Variants in DPP6 observed in about 807,000 individuals in gnomAD.
DPP6 encodes the protein dipeptidyl peptidase like 6.
DPP6 carries 69 observed loss-of-function variants against 122.6 expected under a neutral mutation model. The observed-to-expected ratio is 0.56, with a 90% CI of 0.46 to 0.69. The LOEUF (loss-of-function observed/expected upper bound fraction) is 0.69. DPP6 is among the 30% of genes least tolerant of loss of function. The pLI is 0.00. For missense variants in DPP6, 928 were observed against 1,116.9 expected, an observed-to-expected ratio of 0.83 and a Z score of 2.41; for synonymous variants, 418 against 433.1, an observed-to-expected ratio of 0.97 and a Z score of 0.43.
intron 1 of DPP6, among the ~76,000 whole-genome samples, chr7:154,361,966 G>A (rs191801062): frequency 6.6e-6 from 1 of 152,328 alleles, no homozygotes. Flanking sequence ...GTCAGGTTCA[G>A]CCCTAGAAGC....
chr7:154,525,082 A>T (rs1827296370), intron 3 of DPP6, among the ~76,000 whole-genome samples: 1 of 152,214 alleles, frequency 6.6e-6, no homozygotes, highest in South Asian at 2.1e-4. Flanking sequence ...ATAAAGAAAC[A>T]TTGGTTCCTA....
intron 1 of DPP6, among the ~76,000 whole-genome samples, chr7:154,010,779 A>G (rs1798119780): frequency 6.6e-6 from 1 of 152,192 alleles, no homozygotes; most frequent in Non-Finnish European, 1.5e-5. Flanking sequence ...ATAAAACCCA[A>G]CTGTGCAAGT....
At chr7:154,675,801 T>A (rs1838862205) in intron 7 of DPP6, among the ~76,000 whole-genome samples, 1 of 152,198 alleles carries the variant, frequency 6.6e-6, no homozygotes, top group South Asian at 2.1e-4. Flanking sequence ...ACTGTCCCCG[T>A]CTGTTCACAC....
chr7:153,857,910 A>C, the DPP6 span, among the ~76,000 whole-genome samples: 200 of 152,340 alleles, frequency 1.3e-3, 3 homozygotes, highest in African/African-American at 4.3e-3. Flanking sequence ...AACAGGTTGA[A>C]GAAATCAATT....
At chr7:154,488,372 C>G (rs1021322287) in intron 3 of DPP6, among the ~76,000 whole-genome samples, 13 of 151,880 alleles carry the variant, frequency 8.6e-5, no homozygotes, top group African/African-American at 3.1e-4. Flanking sequence ...TGCCTGTAGT[C>G]CCAGCTACTC....
At chr7:154,339,831 T>G (rs1353679100) in intron 1 of DPP6, among the ~76,000 whole-genome samples, 4 of 152,128 alleles carry the variant, frequency 2.6e-5, no homozygotes, top group Non-Finnish European at 5.9e-5. Flanking sequence ...TCCCAGCACT[T>G]TGGGAGCCTG....
At chr7:154,280,915 TTGA>T (rs1465849439) in intron 1 of DPP6, among the ~76,000 whole-genome samples, 1 of 152,208 alleles carries the variant, frequency 6.6e-6, no homozygotes, top group Non-Finnish European at 1.5e-5. Flanking sequence ...GTTAAGACAC[TTGA>T]TGAAAGCTGG....
At chr7:154,645,745 G>A (rs73491511) in intron 6 of DPP6, among the ~76,000 whole-genome samples, 21,318 of 151,876 alleles carry the variant, frequency 0.14, 1,685 homozygotes, top group African/African-American at 0.22. Context: ...AATACTGAGG[G>A]TTGCCAGGCG....
intron 3 of DPP6, among the ~76,000 whole-genome samples, chr7:154,498,392 G>T (rs560444165): frequency 3.3e-5 from 5 of 152,044 alleles, no homozygotes; most frequent in African/African-American, 9.7e-5. Context: ...AGGCTGGAGC[G>T]CAGTGGCATG....
chr7:154,383,890 CAAAA>C (rs375015144), intron 1 of DPP6, among the ~76,000 whole-genome samples: 1 of 106,562 alleles, frequency 9.4e-6, no homozygotes, highest in African/African-American at 3.7e-5. Flanking sequence ...ACTCTGTCTC[CAAAA>C]AAAAAAAAAA....
chr7:154,444,990 A>G (rs989047172), intron 1 of DPP6, among the ~76,000 whole-genome samples: 2 of 152,238 alleles, frequency 1.3e-5, no homozygotes, highest in African/African-American at 4.8e-5. Context: ...ACTCTTTCCT[A>G]CTAAGCCTAT....
chr7:153,776,313 T>G, the DPP6 span, among the ~76,000 whole-genome samples: 1 of 152,162 alleles, frequency 6.6e-6, no homozygotes, highest in East Asian at 1.9e-4. Flanking sequence ...GGTAATTGAA[T>G]CATGGGGGCG....
chr7:154,345,341 C>T (rs1201535277), intron 1 of DPP6, among the ~76,000 whole-genome samples: 1 of 152,162 alleles, frequency 6.6e-6, no homozygotes, highest in Non-Finnish European at 1.5e-5. Flanking sequence ...GTGACGATTT[C>T]AGCATGGAAT....
At chr7:154,777,008 T>A (rs776051093) in intron 10 of DPP6, among the ~76,000 whole-genome samples, 6 of 152,240 alleles carry the variant, frequency 3.9e-5, no homozygotes, top group Non-Finnish European at 7.3e-5. Flanking sequence ...TTTTCAATTA[T>A]TTTTTCCTGT....
chr7:154,871,375 C>G (rs1456765989), intron 18 of DPP6, among the ~76,000 whole-genome samples: 6 of 152,230 alleles, frequency 3.9e-5, no homozygotes, highest in South Asian at 2.1e-4. Flanking sequence ...ATCAGGAAGA[C>G]CCCCTTAGGG....
chr7:154,816,211 T>G (rs778619855), intron 16 of DPP6, among the ~76,000 whole-genome samples: 10 of 152,158 alleles, frequency 6.6e-5, no homozygotes, highest in Non-Finnish European at 1.5e-4. Flanking sequence ...ACAGTTCTAG[T>G]TTTTGAGGTT....
At chr7:154,431,518 ATTTC>A (rs1387021780) in intron 1 of DPP6, among the ~76,000 whole-genome samples, 1 of 55,712 alleles carries the variant, frequency 1.8e-5, no homozygotes, top group Non-Finnish European at 3.3e-5. Context: ...TTCTTTTATT[ATTTC>A]TTTCTTTCTT....
chr7:153,812,856 A>G, the DPP6 span, among the ~76,000 whole-genome samples: 1 of 152,158 alleles, frequency 6.6e-6, no homozygotes, highest in Non-Finnish European at 1.5e-5. Flanking sequence ...TCAAGAAAGT[A>G]CAATATAAAT....
At chr7:154,063,278 GA>G (rs1171594305) in intron 1 of DPP6, among the ~76,000 whole-genome samples, 25 of 126,048 alleles carry the variant, frequency 2.0e-4, no homozygotes, top group Middle Eastern at 5.3e-3. Flanking sequence ...CCCCATCGCA[GA>G]GGGGGGAGGG....
Sources: gnomAD v4.1 joint callset for allele counts (sites outside exome capture counted in the v4.1 genomes callset) on GRCh38, gnomAD v4.1.1 for gene constraint, MANE v1.5 for transcripts, NCBI Gene and HGNC (gene_info 2026-07-23, HGNC 2026-07-21) for gene names.